Variants in BICRAL observed in about 807,000 individuals in gnomAD.
The protein encoded by BICRAL is BICRA like chromatin remodeling complex associated protein, also known as BRD4-interacting chromatin-remodeling complex-associated protein-like.
A neutral mutation model predicts 91.8 loss-of-function variants in BICRAL; 8 were observed. The observed-to-expected ratio is 0.09, with a 90% confidence interval of 0.05 to 0.16. The LOEUF (loss-of-function observed/expected upper bound fraction) is 0.16. Ranked by LOEUF, BICRAL falls within the 10% of genes least tolerant of loss-of-function variation. BICRAL has a pLI of 1.00. For synonymous variants in BICRAL, 445 were observed against 491.1 expected, an observed-to-expected ratio of 0.91 and a Z score of 1.24; for missense variants, 1,038 against 1,310.9, an observed-to-expected ratio of 0.79 and a Z score of 3.21.
At chr6:42,809,283 G>A (rs1763790819) in intron 1 of BICRAL, among the ~76,000 whole-genome samples, 2 of 151,766 alleles carry the variant, frequency 1.3e-5, no homozygotes, top group African/African-American at 4.8e-5. Context: ...CTTTTTTATG[G>A]CTGCTGTTAG....
intron 10 of BICRAL, among the ~76,000 whole-genome samples, chr6:42,859,925 AT>A (rs1765501703): frequency 6.6e-6 from 1 of 152,070 alleles, no homozygotes; most frequent in South Asian, 2.1e-4. Flanking sequence ...GATTACAGGC[AT>A]GAGCCACCGT....
At position 42,864,791 on chromosome 6, in the gene BICRAL, G is replaced by A. The variant is rs768382221; in HGVS notation, c.2585G>A (p.Arg862Lys). The change falls in exon 13 of 13, where the codon AGA (arginine) becomes AAA (lysine). Residue 862 changes from arginine to lysine, a missense_variant. Physicochemically the swap from Arg to Lys is conservative, Grantham distance 26. This residue lies in a region of BICRAL where 294 missense variants were observed against 292.6 expected (regional missense o/e 1.00). Transcript: ENST00000314073. ...SLQPPAKAQG[R>K]DRAKTGVTEP... ...CAACCGCCAGCCAAGGCCCAAGGCA[G>A]AGACCGAGCCAAAACCGGTGTGACG... 8.1e-6 allele frequency: 13 copies of A among 1,614,112 alleles called. No homozygotes were observed. Among genetic ancestry groups the A allele is most frequent in the Non-Finnish European group, 1.1e-5 (13 of 1,180,050 alleles).
intron 9 of BICRAL, among the ~76,000 whole-genome samples, chr6:42,856,772 T>G (rs1350046783): frequency 1.3e-5 from 2 of 152,124 alleles, no homozygotes; most frequent in African/African-American, 4.8e-5. Flanking sequence ...AAAGCGTGGT[T>G]TGGTAAACTC....
chr6:42,833,337 C>G (rs540954336), intron 6 of BICRAL, among the ~76,000 whole-genome samples: 1 of 152,132 alleles, frequency 6.6e-6, no homozygotes, highest in East Asian at 1.9e-4. Flanking sequence ...CGTGAGCCAC[C>G]GCGCCCGGCC....
At chr6:42,856,918 T>C (rs548078181) in intron 9 of BICRAL, among the ~76,000 whole-genome samples, 173 bp from the exon 10 acceptor site, 1 of 152,262 alleles carries the variant, frequency 6.6e-6, no homozygotes, top group Admixed American at 6.5e-5. Context: ...GTTTGAGTCC[T>C]CTGTGGGGCT....
Position 42,810,356 on chromosome 6 carries a change from CT to C in BICRAL, c.-49del, listed in dbSNP as rs1442545240. 1 of 152,194 alleles carries C rather than the reference CT, an allele frequency of 6.6e-6. No homozygotes were observed. The allele number at this position is 152,194 out of a possible 1,614,324, so 9.4% of individuals were successfully genotyped here. ...AGCCCAGCGATTTCACCTGAAGAAGCTTGGGAACTCCTGCCAAAAATTGTAG... is the reference window on the plus strand; with the variant it reads ...AGCCCAGCGATTTCACCTGAAGAAGCTGGGAACTCCTGCCAAAAATTGTAG... On this transcript the variant is annotated 5_prime_UTR_variant, in exon 2 of 13. Transcript: ENST00000314073.
intron 6 of BICRAL, among the ~76,000 whole-genome samples, chr6:42,839,891 C>G (rs951745964): frequency 3.9e-5 from 6 of 152,118 alleles, no homozygotes; most frequent in Non-Finnish European, 7.3e-5. Flanking sequence ...ATTACCTTGC[C>G]TCAAACCTGG....
At position 42,865,365 on chromosome 6, in the gene BICRAL, GTTCAT is replaced by G; in HGVS notation, c.3160_3164del (p.Phe1054ProfsTer5). ...CTTCACAGGAAAACTGCCTGGAAAAGTTCATCCCGGACCACAGTGAAGGTGTTGTA... is the reference window on the plus strand; with the variant it reads ...CTTCACAGGAAAACTGCCTGGAAAAGCCCGGACCACAGTGAAGGTGTTGTA... On this transcript the variant is annotated frameshift_variant, in exon 13 of 13. Coordinates refer to ENST00000314073, the MANE Select transcript of BICRAL (RefSeq NM_001393499.1). LOFTEE classifies it high-confidence loss of function. The G allele has an allele frequency of 6.2e-7, 1 of 1,613,808 alleles. No individual in the cohort carries two copies. The highest frequency in any genetic ancestry group is 2.2e-5 in the East Asian group (1 of 44,880).
chr6:42,844,527 A>G (rs1764928892), intron 6 of BICRAL, among the ~76,000 whole-genome samples: 1 of 106,896 alleles, frequency 9.4e-6, no homozygotes, highest in African/African-American at 4.7e-5. Context: ...AAAAAAAAAA[A>G]AAAAAAAAAA....
At chr6:42,796,736 T>G (rs539504712) in intron 1 of BICRAL, among the ~76,000 whole-genome samples, 3 of 152,086 alleles carry the variant, frequency 2.0e-5, no homozygotes, top group African/African-American at 7.2e-5. Context: ...TCCTGACATA[T>G]GCGATGTGGG....
intron 6 of BICRAL, among the ~76,000 whole-genome samples, chr6:42,837,001 A>G (rs1231301244): frequency 4.0e-5 from 6 of 148,962 alleles, no homozygotes; most frequent in Admixed American, 1.3e-4. Flanking sequence ...CTGGAGTGCA[A>G]TGGCACTATC....
At chr6:42,837,751 C>CAA (rs778479605) in intron 6 of BICRAL, among the ~76,000 whole-genome samples, 1 of 108,084 alleles carries the variant, frequency 9.3e-6, no homozygotes, top group Non-Finnish European at 2.0e-5. Context: ...GACTCCATCT[C>CAA]AAAAAAAAAA....
intron 1 of BICRAL, among the ~76,000 whole-genome samples, chr6:42,774,632 A>G (rs965539966): frequency 1.5e-5 from 2 of 129,844 alleles, no homozygotes; most frequent in African/African-American, 5.5e-5. Context: ...TTGGAGTATA[A>G]GAGTACCTTT....
chr6:42,762,304 G>A (rs750890900), intron 1 of BICRAL, among the ~76,000 whole-genome samples: 76 of 152,132 alleles, frequency 5.0e-4, no homozygotes, highest in Non-Finnish European at 1.0e-3. Context: ...AAACTCTGAG[G>A]GTTCCTTTAA....
chr6:42,842,512 CCT>C (rs775761955), intron 6 of BICRAL, among the ~76,000 whole-genome samples: 6 of 152,144 alleles, frequency 3.9e-5, no homozygotes, highest in Non-Finnish European at 7.4e-5. Context: ...AGGCTGATCC[CCT>C]GTTTTTCCCA....
chr6:42,790,330 ATT>A (rs70990136), intron 1 of BICRAL, among the ~76,000 whole-genome samples: 1,258 of 87,866 alleles, frequency 0.014, 15 homozygotes, highest in African/African-American at 0.062. Context: ...AGATAATTTA[ATT>A]TTTTTTTTTT....
At chr6:42,760,493 T>C (rs1221225342) in intron 1 of BICRAL, among the ~76,000 whole-genome samples, 32 of 152,124 alleles carry the variant, frequency 2.1e-4, no homozygotes, top group Non-Finnish European at 1.5e-5. Flanking sequence ...CCTTAGCTGT[T>C]GACTCTAAGA....
At chr6:42,750,236 C>T (rs565559248) in intron 1 of BICRAL, among the ~76,000 whole-genome samples, 1 of 152,014 alleles carries the variant, frequency 6.6e-6, no homozygotes, top group South Asian at 2.1e-4. Context: ...TCACAGCTTA[C>T]TGTAGTCTTG....
At chr6:42,816,100 T>A (rs1763986986) in intron 2 of BICRAL, among the ~76,000 whole-genome samples, 1 of 151,656 alleles carries the variant, frequency 6.6e-6, no homozygotes, top group Admixed American at 6.6e-5. Flanking sequence ...GCATGGTAAT[T>A]GTAATCCCAG....
Sources: gnomAD v4.1 joint callset for allele counts (sites outside exome capture counted in the v4.1 genomes callset) on GRCh38, gnomAD v4.1.1 for gene constraint, gnomAD v4.1.1 regional missense constraint, MANE v1.5 for transcripts, NCBI Gene and HGNC (gene_info 2026-07-23, HGNC 2026-07-21) for gene names.